The following SMIM14 variants were observed in gnomAD, a reference collection of about 807,000 sequenced individuals.
SMIM14 encodes small integral membrane protein 14.
In SMIM14, 5 loss-of-function variants were observed where a neutral mutation model predicts 12.6. The observed-to-expected ratio is 0.40, with a 90% CI of 0.21 to 0.83. SMIM14 has a LOEUF of 0.83. Ranked by LOEUF, SMIM14 falls within the 40% of genes least tolerant of loss-of-function variation. SMIM14 has a pLI of 0.37. For synonymous variants in SMIM14, 30 were observed against 40.1 expected, an observed-to-expected ratio of 0.75 and a Z score of 0.95; for missense variants, 86 against 119.1, an observed-to-expected ratio of 0.72 and a Z score of 1.29.
intron 1 of SMIM14, among the ~76,000 whole-genome samples, chr4:39,626,798 A>C (rs566021749): frequency 1.0e-4 from 15 of 150,710 alleles, no homozygotes; most frequent in Non-Finnish European, 1.9e-4. Context: ...TTAACTCTTC[A>C]AGGTCAGAGA....
intron 2 of SMIM14, among the ~76,000 whole-genome samples, chr4:39,581,956 C>G (rs913254528): frequency 2.0e-5 from 3 of 151,726 alleles, no homozygotes; most frequent in African/African-American, 7.3e-5. Flanking sequence ...ACTGCAACCT[C>G]CGCCTCCTGG....
chr4:39,638,857 T>C lies in SMIM14; in HGVS notation c.-154A>G, dbSNP rs1406808043. 2.0e-6 allele frequency: 2 copies of C among 985,618 alleles called. No individual in the cohort carries two copies. Among genetic ancestry groups the C allele is most frequent in the Non-Finnish European group, 2.4e-6 (2 of 830,212 alleles). The allele number at this position is 985,618 out of a possible 1,614,324, so 61.1% of individuals were successfully genotyped here. ...GCTCCGGACGCTGCTGCCACTGCCGTTTCTGGCCGCCGGCTTCCTCCCCCT... is the reference window on the plus strand; with the variant it reads ...GCTCCGGACGCTGCTGCCACTGCCGCTTCTGGCCGCCGGCTTCCTCCCCCT... On this transcript the variant is annotated 5_prime_UTR_variant, in exon 1 of 5. Transcript: ENST00000295958.
intron 2 of SMIM14, among the ~76,000 whole-genome samples, chr4:39,603,644 C>T (rs555482702): frequency 6.6e-6 from 1 of 152,166 alleles, no homozygotes; most frequent in African/African-American, 2.4e-5. Context: ...TCACTACAAT[C>T]GACTCAATGA....
chr4:39,572,868 A>G (rs1712973783), intron 2 of SMIM14, among the ~76,000 whole-genome samples: 1 of 151,838 alleles, frequency 6.6e-6, no homozygotes, highest in Non-Finnish European at 1.5e-5. Context: ...ACAGGGTCTC[A>G]CTCTGTTGCC....
At chr4:39,637,237 C>T (rs1368066130) in intron 1 of SMIM14, among the ~76,000 whole-genome samples, 1 of 152,054 alleles carries the variant, frequency 6.6e-6, no homozygotes, top group Non-Finnish European at 1.5e-5. Context: ...TTATCAACAT[C>T]TTCTCTATTA....
rs186655517 is a variant in SMIM14, at chr4:39,584,301, G to A, written c.76-11838C>T. 3.8e-4 allele frequency among the ~76,000 whole-genome samples: 57 copies of A among 151,480 alleles called. No homozygotes were observed. In the East Asian group the frequency reaches 9.7e-3, roughly 26 times the overall value. On this transcript the variant is annotated intron_variant, in intron 2 of 4. Transcript: ENST00000295958. ...GTTTGAGACCAGCCTGGCCAACATG[G>A]TGAAACCTTGTCTCTACTAAAAATA...
chr4:39,586,612 C>T (rs772080625), intron 2 of SMIM14, among the ~76,000 whole-genome samples: 18 of 152,022 alleles, frequency 1.2e-4, no homozygotes, highest in Non-Finnish European at 2.4e-4. Context: ...CCTTTAATGC[C>T]CTTACTTCTA....
At chr4:39,620,795 T>A (rs2110074176) in intron 1 of SMIM14, among the ~76,000 whole-genome samples, 1 of 152,362 alleles carries the variant, frequency 6.6e-6, no homozygotes. Context: ...AGGCCAAATG[T>A]CTTCTTTGGT....
chr4:39,620,381 A>G (rs533513680), intron 1 of SMIM14, among the ~76,000 whole-genome samples: 48 of 152,250 alleles, frequency 3.2e-4, no homozygotes, highest in African/African-American at 1.1e-3. Context: ...CGGGAGGCTG[A>G]GGCAGGAGAA....
intron 2 of SMIM14, among the ~76,000 whole-genome samples, chr4:39,591,067 A>G (rs1370667693): frequency 6.6e-6 from 1 of 152,128 alleles, no homozygotes; most frequent in Non-Finnish European, 1.5e-5. Context: ...AATCCCTTAT[A>G]TAAAATTGTA....
chr4:39,546,834 A>C lies in SMIM14; in HGVS notation c.*5292T>G, dbSNP rs1747365169. 6.6e-6 allele frequency: 1 copy of C among 152,228 alleles called. No individual in the cohort carries two copies. The highest frequency in any genetic ancestry group is 2.4e-5 in the African/African-American group (1 of 41,466). The allele number at this position is 152,228 out of a possible 1,614,324, so 9.4% of individuals were successfully genotyped here. On this transcript the variant is annotated 3_prime_UTR_variant, in exon 5 of 5. Coordinates refer to ENST00000295958, the MANE Select transcript of SMIM14 (RefSeq NM_174921.3). ...AAAATCATGCCAGAGCAGTGTTACT[A>C]TTTTTACATGTATATGAGTATTCAT...
chr4:39,552,041 T>G lies in SMIM14; in HGVS notation c.*85A>C. 3 of 1,109,048 alleles carry G rather than the reference T, an allele frequency of 2.7e-6. No individual in the cohort carries two copies. In the South Asian group the frequency reaches 5.0e-5, roughly 18 times the overall value. 68.7% of individuals were successfully genotyped at this position (1,109,048 alleles called of 1,614,324 possible). A position where few individuals can be genotyped will look rare whatever the true frequency, so the allele number is the denominator to read the frequency against. On this transcript the variant is annotated 3_prime_UTR_variant, in exon 5 of 5. Coordinates refer to ENST00000295958, the MANE Select transcript of SMIM14 (RefSeq NM_174921.3). The stretch of plus-strand genomic sequence containing the variant: ...TTGCAGATACAAAAGGAAAAACAGT[T>G]CTAATGGGGTTAAGAGTACTCTGGT...
intron 2 of SMIM14, among the ~76,000 whole-genome samples, chr4:39,573,969 T>A (rs927147692): frequency 1.3e-5 from 2 of 152,190 alleles, no homozygotes; most frequent in Non-Finnish European, 2.9e-5. Flanking sequence ...CATCCTTTTA[T>A]AAGCATACAA....
At chr4:39,632,475 T>C (rs1715938219) in intron 1 of SMIM14, among the ~76,000 whole-genome samples, 2 of 71,314 alleles carry the variant, frequency 2.8e-5, no homozygotes, top group African/African-American at 7.4e-5. Context: ...CGAGACTCCG[T>C]CTCAAAAAAA....
chr4:39,599,969 A>C (rs567596388), intron 2 of SMIM14, among the ~76,000 whole-genome samples: 15 of 152,072 alleles, frequency 9.9e-5, no homozygotes, highest in African/African-American at 3.4e-4. Context: ...AGGGTAAAAG[A>C]TAATTGAACT....
chr4:39,596,442 A>G (rs78136066), intron 2 of SMIM14, among the ~76,000 whole-genome samples: 1 of 152,160 alleles, frequency 6.6e-6, no homozygotes, highest in Admixed American at 6.6e-5. Context: ...AACCAAGAAG[A>G]ACATGATGCT....
chr4:39,602,334 C>T (rs1485064616), intron 2 of SMIM14, among the ~76,000 whole-genome samples: 7 of 151,876 alleles, frequency 4.6e-5, no homozygotes, highest in Non-Finnish European at 1.0e-4. Flanking sequence ...GTGGCTCACG[C>T]CTGTAATCCC....
chr4:39,616,641 T>TAAAAAAAAAAAAA (rs5857689), intron 1 of SMIM14, among the ~76,000 whole-genome samples: 4 of 137,264 alleles, frequency 2.9e-5, no homozygotes, highest in East Asian at 2.0e-4. Flanking sequence ...TCCTTACATT[T>TAAAAAAAAAAAAA]AAAAAAAAAA....
At chr4:39,594,541 A>G (rs1370041906) in intron 2 of SMIM14, 17 of 148,652 alleles carry the variant, frequency 1.1e-4, no homozygotes, top group African/African-American at 4.2e-4. Flanking sequence ...ACAAAAGCCA[A>G]AATTGACAAA....
Sources: gnomAD v4.1 joint callset for allele counts (sites outside exome capture counted in the v4.1 genomes callset) on GRCh38, gnomAD v4.1.1 for gene constraint, MANE v1.5 for transcripts, NCBI Gene and HGNC (gene_info 2026-07-23, HGNC 2026-07-21) for gene names.